Variants in RPRD1A observed in about 807,000 individuals in gnomAD.
RPRD1A encodes the protein regulation of nuclear pre-mRNA domain containing 1A.
A neutral mutation model predicts 37.8 loss-of-function variants in RPRD1A; 9 were observed. The ratio of observed to expected loss-of-function variants is 0.24; its 90% CI spans 0.14 to 0.42. The LOEUF (loss-of-function observed/expected upper bound fraction) is 0.42. RPRD1A is among the 10% of genes least tolerant of loss of function. The pLI is 1.00. For synonymous variants in RPRD1A, 138 were observed against 139.7 expected, an observed-to-expected ratio of 0.99 and a Z score of 0.08; for missense variants, 255 against 371.0, an observed-to-expected ratio of 0.69 and a Z score of 2.57.
intron 1 of RPRD1A, among the ~76,000 whole-genome samples, chr18:36,063,458 G>A (rs973939585): frequency 6.7e-6 from 1 of 149,420 alleles, no homozygotes; most frequent in Non-Finnish European, 1.5e-5. Context: ...ATGAGCCACA[G>A]TACCCAGCTC....
At chr18:36,002,026 G>GCTTCTTTCAAGGTTTTGACTTTA (rs149934955) in intron 6 of RPRD1A, among the ~76,000 whole-genome samples, 1 of 151,558 alleles carries the variant, frequency 6.6e-6, no homozygotes, top group African/African-American at 2.4e-5. Context: ...TCCCCCTCTG[G>GCTTCTTTCAAGGTTTTGACTTTA]CTTCTTTCAA....
rs1362882196 is a variant in RPRD1A, at chr18:36,027,060, T to G, written c.629A>C (p.Glu210Ala). 1 of 1,613,914 alleles carries G rather than the reference T, an allele frequency of 6.2e-7. No individual in the cohort carries two copies. Among genetic ancestry groups the G allele is most frequent in the Non-Finnish European group, 8.5e-7 (1 of 1,179,864 alleles). Residue 210 changes from glutamate to alanine, a missense_variant, in exon 6 of 7, where the codon GAA (glutamate) becomes GCA (alanine). By Grantham distance (107) the Glu-to-Ala change is moderately radical. Around this residue, in one of 2 missense-constraint regions of RPRD1A, gnomAD observed 211 missense variants for 268.9 expected, o/e 0.78. Transcript: ENST00000399022. ...LDKITDKESG[E>A]RLSKMVEDAC... ...ATCCTCTACCATTTTGGAAAGCCTT[T>G]CTCCAGATTCTTTATCTAAGAAAAG...
At chr18:36,030,613 G>C (rs975283251) in intron 4 of RPRD1A, among the ~76,000 whole-genome samples, 195 bp downstream of exon 4, 7 of 152,074 alleles carry the variant, frequency 4.6e-5, no homozygotes, top group Admixed American at 2.6e-4. Context: ...TGATTTCTAT[G>C]CAAAATATAC....
intron 1 of RPRD1A, 32 bp downstream of exon 1, chr18:36,067,222 T>C (rs950065786): frequency 3.3e-6 from 5 of 1,532,088 alleles, no homozygotes; most frequent in Non-Finnish European, 4.4e-6. Context: ...GGCCGGGTGG[T>C]GGGAAGCGGC....
intron 6 of RPRD1A, among the ~76,000 whole-genome samples, chr18:35,997,228 G>A (rs1225768461): frequency 1.3e-5 from 2 of 152,040 alleles, no homozygotes; most frequent in South Asian, 2.1e-4. Context: ...AGTGCCAGCT[G>A]AAATCCCAAA....
chr18:36,044,646 C>G (rs1241989909), intron 1 of RPRD1A, among the ~76,000 whole-genome samples: 1 of 151,840 alleles, frequency 6.6e-6, no homozygotes, highest in Non-Finnish European at 1.5e-5. Context: ...CAAGATGACA[C>G]CACCGCACTC....
At chr18:35,998,620 G>C (rs1275677384) in intron 6 of RPRD1A, among the ~76,000 whole-genome samples, 2 of 152,114 alleles carry the variant, frequency 1.3e-5, no homozygotes, top group Non-Finnish European at 2.9e-5. Flanking sequence ...AGTTTCTGCA[G>C]TTCCAGCTTC....
In RPRD1A at chr18:36,057,966, A is replaced by T. The variant is rs189062925; in HGVS notation, c.151+9288T>A. ...CATGAACACAGCTGTATGTCCCTTTATCTGCTCAATCATCCTTGTTCACTA... is the reference window on the plus strand; with the variant it reads ...CATGAACACAGCTGTATGTCCCTTTTTCTGCTCAATCATCCTTGTTCACTA... On this transcript the variant is annotated intron_variant, in intron 1 of 6. Transcript: ENST00000399022. 9.1e-4 allele frequency among the ~76,000 whole-genome samples: 138 copies of T among 152,336 alleles called. No homozygotes were observed. In the Middle Eastern group the frequency reaches 0.01, roughly 11 times the overall value.
At chr18:36,038,348 C>T (rs908392769) in intron 1 of RPRD1A, among the ~76,000 whole-genome samples, 23 of 152,194 alleles carry the variant, frequency 1.5e-4, no homozygotes, top group Admixed American at 1.5e-3. Context: ...CTAAAAGGGG[C>T]CAGGGCACAG....
At chr18:36,020,130 G>GT (rs1910894661) in intron 6 of RPRD1A, among the ~76,000 whole-genome samples, 2 of 152,176 alleles carry the variant, frequency 1.3e-5, no homozygotes, top group Admixed American at 6.5e-5. Flanking sequence ...CGAAAGTAAT[G>GT]TAATTCATCC....
intron 1 of RPRD1A, among the ~76,000 whole-genome samples, chr18:36,045,814 C>T (rs1912915500): frequency 6.6e-6 from 1 of 152,112 alleles, no homozygotes; most frequent in African/African-American, 2.4e-5. Flanking sequence ...GCTGAATTAG[C>T]CAAATGAAAT....
At chr18:36,057,210 T>C (rs1417584587) in intron 1 of RPRD1A, among the ~76,000 whole-genome samples, 4 of 151,762 alleles carry the variant, frequency 2.6e-5, no homozygotes, top group African/African-American at 9.7e-5. Context: ...AGCCAAACCC[T>C]GTCTCTCAAA....
intron 1 of RPRD1A, among the ~76,000 whole-genome samples, chr18:36,056,678 T>C (rs972435064): frequency 6.6e-6 from 1 of 152,024 alleles, no homozygotes; most frequent in Non-Finnish European, 1.5e-5. Context: ...GCATTCAACG[T>C]AAGTATGGTA....
At chr18:36,022,838 TGCAGTCCTAGCTACTTTGGAAGCTGA>T (rs1911081425) in intron 6 of RPRD1A, among the ~76,000 whole-genome samples, 1 of 152,232 alleles carries the variant, frequency 6.6e-6, no homozygotes. Context: ...GGCACACACC[TGCAGTCCTAGCTACTTTGGAAGCTGA>T]AGCAGGAAGA....
intron 1 of RPRD1A, among the ~76,000 whole-genome samples, chr18:36,042,598 T>C (rs928601298): frequency 1.3e-5 from 2 of 152,232 alleles, no homozygotes; most frequent in African/African-American, 2.4e-5. Context: ...TTTAAATGTA[T>C]TGAAGTTCAA....
intron 6 of RPRD1A, among the ~76,000 whole-genome samples, chr18:35,994,570 CAG>C (rs1292242503): frequency 1.2e-4 from 19 of 152,132 alleles, no homozygotes; most frequent in Admixed American, 1.2e-3. Flanking sequence ...TCTGAGATAG[CAG>C]AGAGGGGCAC....
chr18:36,008,589 A>ATATC lies in RPRD1A; in HGVS notation c.790-15290_790-15289insGATA, dbSNP rs71381561. Among the ~76,000 whole-genome samples the ATATC allele has an allele frequency of 1.8e-4, 16 of 90,828 alleles. 1 individual carries two copies. Among genetic ancestry groups the ATATC allele is most frequent in the South Asian group, 4.2e-4 (1 of 2,380 alleles). 59.6% of individuals were successfully genotyped at this position (90,828 alleles called of 152,430 possible). A position where few individuals can be genotyped will look rare whatever the true frequency, so the allele number is the denominator to read the frequency against. On this transcript the variant is annotated intron_variant, in intron 6 of 6. Transcript: ENST00000399022. ...AGACCTTGTGTGTGTATATATATAT[A>ATATC]TCTTTAAAAATCTCTCTAGGAAAAA...
intron 6 of RPRD1A, among the ~76,000 whole-genome samples, chr18:36,011,236 G>A (rs1412240836): frequency 1.3e-5 from 2 of 152,092 alleles, no homozygotes. Context: ...AGGAAACAGA[G>A]GCCAAATGTG....
At chr18:35,996,748 G>C (rs918657270) in intron 6 of RPRD1A, among the ~76,000 whole-genome samples, 1 of 151,982 alleles carries the variant, frequency 6.6e-6, no homozygotes, top group Non-Finnish European at 1.5e-5. Context: ...GGCCGAAGTG[G>C]GTGGAATGCT....
Sources: allele counts gnomAD v4.1 joint callset (sites outside exome capture counted in the v4.1 genomes callset), GRCh38; gene constraint gnomAD v4.1.1; regional missense constraint gnomAD v4.1.1; transcripts MANE v1.5; gene names NCBI Gene and HGNC (gene_info 2026-07-23, HGNC 2026-07-21).